Variants in EPB41L5 observed in about 807,000 individuals in gnomAD.
The protein encoded by EPB41L5 is erythrocyte membrane protein band 4.1 like 5.
EPB41L5 carries 55 observed loss-of-function variants against 106.6 expected under a neutral mutation model. The ratio of observed to expected loss-of-function variants is 0.52; its 90% CI spans 0.42 to 0.65. The LOEUF is 0.65. Ranked by LOEUF, EPB41L5 falls within the 30% of genes least tolerant of loss-of-function variation. The probability of loss-of-function intolerance (pLI) is 0.00; values close to 1 mark genes in which losing one functional copy is unlikely to be tolerated. For synonymous variants in EPB41L5, 297 were observed against 306.7 expected (o/e 0.97, Z 0.33); for missense variants, 871 against 882.1 (o/e 0.99, Z 0.16).
rs577337572 is a variant in EPB41L5 at position 120,100,074 on chromosome 2, A to G, written c.1179-170A>G. Reference sequence around the variant, plus strand: ...TTTGCCTATAAGAACAAATGTTTTCAGGTATCTGACATTCTTAGTTTTAGG... The same window carrying G: ...TTTGCCTATAAGAACAAATGTTTTCGGGTATCTGACATTCTTAGTTTTAGG... On this transcript the variant is annotated intron_variant, in intron 14 of 24. Coordinates refer to ENST00000263713, the MANE Select transcript of EPB41L5 (RefSeq NM_020909.4). 1.4e-4 allele frequency among the ~76,000 whole-genome samples: 22 copies of G among 152,358 alleles called. No individual in the cohort carries two copies. The South Asian group carries it at 1.4e-3, about 10-fold the overall frequency.
Position 120,155,387 on chromosome 2 carries a change from C to T in EPB41L5, c.1794-5494C>T, listed in dbSNP as rs141313084. Among the ~76,000 whole-genome samples the T allele has an allele frequency of 1.3e-3, 198 of 152,290 alleles. 1 individual carries two copies. The highest frequency in any genetic ancestry group is 4.4e-3 in the African/African-American group (184 of 41,558). ...AGTTGGCTTTTACTCTTATGAGGAT[C>T]CTTGTACATGATGAGTCGTTTCTGT... On this transcript the variant is annotated intron_variant, in intron 20 of 24. Transcript: ENST00000263713.
rs112877760 is a variant in EPB41L5 at position 120,045,827 on chromosome 2, A to T, written c.285+3717A>T. 3.1e-3 allele frequency among the ~76,000 whole-genome samples: 447 copies of T among 144,174 alleles called. 1 individual carries two copies. The highest frequency in any genetic ancestry group is 9.4e-3 in the African/African-American group (363 of 38,666). The allele number at this position is 144,174 out of a possible 152,430, so 94.6% of individuals were successfully genotyped here. Reference sequence around the variant, plus strand: ...CTATCCCTCCCCCGTCCCCCCCTCAATGACAGGCCCTGGTGTGTGATGCTC... The same window carrying T: ...CTATCCCTCCCCCGTCCCCCCCTCATTGACAGGCCCTGGTGTGTGATGCTC... On this transcript the variant is annotated intron_variant, in intron 3 of 24. Coordinates refer to ENST00000263713, the MANE Select transcript of EPB41L5 (RefSeq NM_020909.4).
intron 1 of EPB41L5, among the ~76,000 whole-genome samples, chr2:120,014,319 G>A (rs1677362623): frequency 1.3e-5 from 2 of 152,130 alleles, no homozygotes; most frequent in Admixed American, 1.3e-4. Flanking sequence ...TTAGGAACTA[G>A]AGTAGAAACT....
At chr2:120,128,091 A>G (rs540317317) in intron 17 of EPB41L5, 14 of 293,644 alleles carry the variant, frequency 4.8e-5, no homozygotes, top group Admixed American at 2.0e-4. Context: ...AGAGTCTTCA[A>G]ACTTGCTTTT....
chr2:120,038,838 A>T (rs1679208200), intron 2 of EPB41L5, among the ~76,000 whole-genome samples: 1 of 152,246 alleles, frequency 6.6e-6, no homozygotes, highest in Non-Finnish European at 1.5e-5. Flanking sequence ...TACCAGGAAG[A>T]GTTGAAAGCA....
intron 2 of EPB41L5, among the ~76,000 whole-genome samples, chr2:120,033,930 A>G (rs1248715958): frequency 6.6e-6 from 1 of 151,298 alleles, no homozygotes; most frequent in Non-Finnish European, 1.5e-5. Flanking sequence ...CTCTGTCTCT[A>G]CAGAAAAAGT....
chr2:120,107,036 C>T (rs1198779248), intron 16 of EPB41L5: 1 of 542,764 alleles, frequency 1.8e-6, no homozygotes, highest in African/African-American at 2.1e-5. Flanking sequence ...AAGTGTTGGC[C>T]AAAAAATGTT....
intron 16 of EPB41L5, among the ~76,000 whole-genome samples, chr2:120,121,831 C>G (rs1413808929): frequency 6.6e-6 from 1 of 152,216 alleles, no homozygotes. Context: ...CACATCCTCT[C>G]CAGCATCTGT....
chr2:120,027,566 A>G (rs1678411772), intron 2 of EPB41L5, among the ~76,000 whole-genome samples: 1 of 152,106 alleles, frequency 6.6e-6, no homozygotes. Context: ...GACAACTATA[A>G]TATATGGACT....
intron 3 of EPB41L5, among the ~76,000 whole-genome samples, chr2:120,060,053 G>T (rs1680929238): frequency 6.6e-6 from 1 of 152,210 alleles, no homozygotes; most frequent in African/African-American, 2.4e-5. Context: ...TAAGACCTCA[G>T]TGAGATGTTT....
intron 2 of EPB41L5, among the ~76,000 whole-genome samples, chr2:120,019,784 T>C (rs1677801336): frequency 6.6e-6 from 1 of 152,208 alleles, no homozygotes. Context: ...AAAAGGACTT[T>C]CTTCATACCC....
At chr2:120,062,837 T>G (rs1681174656) in intron 3 of EPB41L5, among the ~76,000 whole-genome samples, 1 of 91,926 alleles carries the variant, frequency 1.1e-5, no homozygotes, top group East Asian at 3.3e-4. Context: ...TTGAATTTAT[T>G]ATTTTGATTC....
chr2:120,120,995 C>G (rs969306047), intron 16 of EPB41L5, among the ~76,000 whole-genome samples: 1 of 152,110 alleles, frequency 6.6e-6, no homozygotes, highest in Non-Finnish European at 1.5e-5. Flanking sequence ...CCGGCACCTG[C>G]AATCCCAGCC....
chr2:120,169,197 T>G (rs2105565694), intron 24 of EPB41L5, among the ~76,000 whole-genome samples: 1 of 152,222 alleles, frequency 6.6e-6, no homozygotes, highest in Admixed American at 6.5e-5. Context: ...TAATACAGTT[T>G]TCTGGTTTAT....
At chr2:120,056,673 CT>C (rs57767473) in intron 3 of EPB41L5, among the ~76,000 whole-genome samples, 3 of 144,896 alleles carry the variant, frequency 2.1e-5, no homozygotes, top group African/African-American at 5.1e-5. Flanking sequence ...TTTCTTGTGA[CT>C]TTTTTTTTTT....
chr2:120,095,315 A>T (rs1241557806), intron 14 of EPB41L5, among the ~76,000 whole-genome samples: 1 of 152,120 alleles, frequency 6.6e-6, no homozygotes, highest in Non-Finnish European at 1.5e-5. Flanking sequence ...TTGCCAGTCC[A>T]GTTTTCATAT....
rs1269695832 is a variant in EPB41L5 at position 120,019,120 on chromosome 2, G to T, written c.36G>T (p.Arg12=). Residue 12 remains arginine, a synonymous_variant, in exon 2 of 25, where the codon CGG becomes CGT. Transcript: ENST00000263713. ...TCTTCCGTAGAACACTAGGGCGTCGGTCTATGCGTAAACATGCAGAGAAGG... is the reference window on the plus strand; with the variant it reads ...TCTTCCGTAGAACACTAGGGCGTCGTTCTATGCGTAAACATGCAGAGAAGG... ...LSFFRRTLGR[R]SMRKHAEKER... 6.2e-7 allele frequency: 1 copy of T among 1,611,878 alleles called. No homozygotes were observed. The highest frequency in any genetic ancestry group is 8.5e-7 in the Non-Finnish European group (1 of 1,179,218).
intron 2 of EPB41L5, among the ~76,000 whole-genome samples, chr2:120,038,440 G>C (rs927486582): frequency 3.3e-5 from 5 of 152,198 alleles, no homozygotes; most frequent in Admixed American, 3.3e-4. Flanking sequence ...ATGTAAAATA[G>C]TGTTGCTGCT....
intron 16 of EPB41L5, among the ~76,000 whole-genome samples, chr2:120,115,384 C>CT (rs964013124): frequency 7.9e-5 from 12 of 152,070 alleles, no homozygotes; most frequent in Admixed American, 2.6e-4. Flanking sequence ...CATTTCAGTT[C>CT]TTTTTTCTTT....
Sources: gnomAD v4.1 joint callset for allele counts (sites outside exome capture counted in the v4.1 genomes callset) on GRCh38, gnomAD v4.1.1 for gene constraint, MANE v1.5 for transcripts, NCBI Gene and HGNC (gene_info 2026-07-23, HGNC 2026-07-21) for gene names.